Variants in SRD5A2 observed in about 807,000 individuals in gnomAD.
The protein encoded by SRD5A2 is steroid 5 alpha-reductase 2.
A neutral mutation model predicts 27.4 loss-of-function variants in SRD5A2; 30 were observed. The ratio of observed to expected loss-of-function variants is 1.10; its 90% confidence interval spans 0.82 to 1.49. The LOEUF (loss-of-function observed/expected upper bound fraction) is 1.49. Among genes scored for constraint, SRD5A2 ranks in the 40% most tolerant of loss-of-function variants. The pLI, the probability that SRD5A2 is intolerant of heterozygous loss-of-function variation, is 0.00. For missense variants in SRD5A2, 348 were observed against 323.4 expected, an observed-to-expected ratio of 1.08 and a Z score of -0.58; for synonymous variants, 141 against 133.6, an observed-to-expected ratio of 1.06 and a Z score of -0.38.
At chr2:31,586,311 C>T in the SRD5A2 span, among the ~76,000 whole-genome samples, 1 of 152,218 alleles carries the variant, frequency 6.6e-6, no homozygotes, top group East Asian at 1.9e-4. Flanking sequence ...TCTGGACCCA[C>T]CTGGGGCTTG....
At chr2:31,531,345 G>C (rs779862351) in intron 3 of SRD5A2, 26 bp downstream of exon 3, 29 of 1,504,350 alleles carry the variant, frequency 1.9e-5, no homozygotes, top group Non-Finnish European at 2.5e-5. Flanking sequence ...GGAAGAGTGA[G>C]AGTCTGGGGG....
intron 1 of SRD5A2, among the ~76,000 whole-genome samples, chr2:31,547,852 C>T (rs7422695): frequency 0.012 from 1,774 of 148,504 alleles, 35 homozygotes; most frequent in African/African-American, 0.042. Flanking sequence ...ATCTCCCCCG[C>T]CTCTCTCTAC....
the SRD5A2 span, among the ~76,000 whole-genome samples, chr2:31,662,198 A>G: frequency 2.9e-4 from 44 of 152,134 alleles, no homozygotes; most frequent in Admixed American, 2.9e-3. Context: ...TTTAACATCT[A>G]ATAGTTCTGT....
At chr2:31,621,137 C>A in the SRD5A2 span, among the ~76,000 whole-genome samples, 1 of 151,656 alleles carries the variant, frequency 6.6e-6, no homozygotes, top group Non-Finnish European at 1.5e-5. Context: ...ATAGTAACAT[C>A]TTCCAAAACT....
the SRD5A2 span, among the ~76,000 whole-genome samples, chr2:31,613,415 C>T: frequency 1.3e-5 from 2 of 152,090 alleles, no homozygotes; most frequent in African/African-American, 4.8e-5. Context: ...ATGAAAAATG[C>T]TCAATATCAT....
chr2:31,535,018 A>C (rs949196100), intron 1 of SRD5A2, among the ~76,000 whole-genome samples: 3 of 147,784 alleles, frequency 2.0e-5, no homozygotes, highest in African/African-American at 7.7e-5. Context: ...ATTATGTGTG[A>C]GTCAATTTTT....
the SRD5A2 span, among the ~76,000 whole-genome samples, chr2:31,643,788 T>A: frequency 6.6e-6 from 1 of 152,188 alleles, no homozygotes; most frequent in Non-Finnish European, 1.5e-5. Context: ...TAAGCAATTA[T>A]AATCCACTGA....
chr2:31,626,352 T>C, the SRD5A2 span, among the ~76,000 whole-genome samples: 2 of 152,168 alleles, frequency 1.3e-5, no homozygotes, highest in Admixed American at 6.6e-5. Flanking sequence ...CCTTTATTTC[T>C]TTCTCCTACC....
At chr2:31,640,826 T>C in the SRD5A2 span, among the ~76,000 whole-genome samples, 2 of 152,016 alleles carry the variant, frequency 1.3e-5, no homozygotes, top group Admixed American at 1.3e-4. Flanking sequence ...GATATTTCTC[T>C]TTGGGGCACT....
chr2:31,602,678 C>T, the SRD5A2 span, among the ~76,000 whole-genome samples: 1 of 151,948 alleles, frequency 6.6e-6, no homozygotes, highest in Admixed American at 6.6e-5. Context: ...CTACAGTAAC[C>T]CAAACAACAC....
chr2:31,577,305 G>A (rs1463205143), intron 1 of SRD5A2, among the ~76,000 whole-genome samples: 1 of 151,846 alleles, frequency 6.6e-6, no homozygotes, highest in Admixed American at 6.6e-5. Context: ...TCTGAAGAGA[G>A]GAAAGTTATC....
chr2:31,526,089 A>T lies in SRD5A2; in HGVS notation c.*107T>A. 1.4e-6 allele frequency: 1 copy of T among 731,258 alleles called. No individual in the cohort carries two copies. Among genetic ancestry groups the T allele is most frequent in the Non-Finnish European group, 2.3e-6 (1 of 436,888 alleles). 45.3% of individuals were successfully genotyped at this position (731,258 alleles called of 1,614,324 possible). On this transcript the variant is annotated 3_prime_UTR_variant, in exon 5 of 5. Transcript: ENST00000622030. ...CAGCTGGCAGAACGCCAGGAGACCTACTATTACATATATACGGGACTATTA... is the reference window on the plus strand; with the variant it reads ...CAGCTGGCAGAACGCCAGGAGACCTTCTATTACATATATACGGGACTATTA...
upstream of SRD5A2, chr2:31,581,153 A>G: frequency 1.9e-6 from 1 of 527,748 alleles, no homozygotes; most frequent in Non-Finnish European, 3.3e-6. Flanking sequence ...CCACGGCTTT[A>G]CATTCACCTC....
chr2:31,565,104 T>C (rs1330914626), intron 1 of SRD5A2, among the ~76,000 whole-genome samples: 18 of 151,956 alleles, frequency 1.2e-4, no homozygotes, highest in Non-Finnish European at 2.5e-4. Context: ...TATTTCAGAT[T>C]TTTATACCAT....
At chr2:31,636,168 G>C in the SRD5A2 span, among the ~76,000 whole-genome samples, 10 of 152,084 alleles carry the variant, frequency 6.6e-5, no homozygotes, top group East Asian at 1.9e-3. Context: ...TCCAATCCAA[G>C]AGCATTGAGT....
the SRD5A2 span, among the ~76,000 whole-genome samples, chr2:31,611,955 A>G: frequency 6.6e-6 from 1 of 152,160 alleles, no homozygotes; most frequent in Admixed American, 6.6e-5. Context: ...GCATATCCAT[A>G]CAATGAAATA....
At chr2:31,540,244 C>T (rs1666102985) in intron 1 of SRD5A2, among the ~76,000 whole-genome samples, 1 of 151,508 alleles carries the variant, frequency 6.6e-6, no homozygotes, top group South Asian at 2.1e-4. Flanking sequence ...CATATAATCA[C>T]CAGGAAGCAT....
chr2:31,589,704 T>C, the SRD5A2 span, among the ~76,000 whole-genome samples: 3 of 152,146 alleles, frequency 2.0e-5, no homozygotes, highest in Admixed American at 1.3e-4. Context: ...CTGATCTTTG[T>C]TATAATTTTG....
intron 1 of SRD5A2, among the ~76,000 whole-genome samples, chr2:31,553,342 T>C (rs1228082606): frequency 6.6e-6 from 1 of 151,710 alleles, no homozygotes; most frequent in Non-Finnish European, 1.5e-5. Context: ...AGAGAGACAA[T>C]AGGAAAAAAA....
Sources: allele counts gnomAD v4.1 joint callset (sites outside exome capture counted in the v4.1 genomes callset), GRCh38; gene constraint gnomAD v4.1.1; transcripts MANE v1.5; gene names NCBI Gene and HGNC (gene_info 2026-07-23, HGNC 2026-07-21).